The following ODAD2 variants were observed in gnomAD, a reference collection of about 807,000 sequenced individuals.
ODAD2 encodes the protein outer dynein arm docking complex subunit 2, also known as outer dynein arm-docking complex subunit 2.
Under a neutral mutation model 106.8 loss-of-function variants are expected in ODAD2, and 89 were observed. The observed-to-expected ratio is 0.83, with a 90% CI of 0.70 to 0.99. The LOEUF (loss-of-function observed/expected upper bound fraction) is 0.99. Ranked by LOEUF, ODAD2 falls within the 50% of genes least tolerant of loss-of-function variation. The pLI is 0.00. For synonymous variants in ODAD2, 404 were observed against 436.2 expected (o/e 0.93, Z 0.92); for missense variants, 1,168 against 1,238.5 (o/e 0.94, Z 0.85).
At chr10:27,924,031 A>AAAGG (rs1590035980) in intron 16 of ODAD2, among the ~76,000 whole-genome samples, 5 of 120,888 alleles carry the variant, frequency 4.1e-5, no homozygotes, top group East Asian at 2.8e-4. Context: ...AGAAGGAAAG[A>AAAGG]GAAAGAAAGA....
chr10:27,822,667 C>T (rs529438975), intron 19 of ODAD2, among the ~76,000 whole-genome samples: 19 of 152,282 alleles, frequency 1.2e-4, no homozygotes, highest in Admixed American at 9.8e-4. Context: ...TGACAGCTCA[C>T]CAAAGCCGGG....
At chr10:27,881,474 A>G (rs1039436838) in intron 17 of ODAD2, among the ~76,000 whole-genome samples, 1 of 152,006 alleles carries the variant, frequency 6.6e-6, no homozygotes, top group Non-Finnish European at 1.5e-5. Context: ...CTACAAAAAA[A>G]AAAAAATTAA....
intron 17 of ODAD2, among the ~76,000 whole-genome samples, chr10:27,901,004 C>T (rs554120800): frequency 6.6e-6 from 1 of 152,120 alleles, no homozygotes; most frequent in Non-Finnish European, 1.5e-5. Flanking sequence ...CCCCAAGACA[C>T]ATAATCATCA....
intron 13 of ODAD2, among the ~76,000 whole-genome samples, chr10:27,940,295 T>A (rs1811182387): frequency 6.6e-6 from 1 of 151,900 alleles, no homozygotes; most frequent in Non-Finnish European, 1.5e-5. Flanking sequence ...TATATATGTG[T>A]GATATATATA....
intron 8 of ODAD2, 64 bp from the exon 9 acceptor site, chr10:27,969,082 A>T: frequency 1.7e-6 from 1 of 592,142 alleles, no homozygotes; most frequent in South Asian, 2.0e-5. Flanking sequence ...AAAATAAAAG[A>T]TGGCAATGTA....
intron 6 of ODAD2, among the ~76,000 whole-genome samples, 153 bp downstream of exon 6, chr10:27,983,690 G>T (rs1387655782): frequency 6.6e-6 from 1 of 152,044 alleles, no homozygotes; most frequent in East Asian, 1.9e-4. Flanking sequence ...AAGCTATTTT[G>T]GATTTGCCCA....
intron 16 of ODAD2, among the ~76,000 whole-genome samples, chr10:27,914,789 T>C (rs79521058): frequency 0.021 from 3,194 of 152,064 alleles, 86 homozygotes; most frequent in African/African-American, 0.064. Flanking sequence ...GTATTAGAAA[T>C]GAAGAATTCA....
At chr10:27,949,219 T>C (rs1847157648) in intron 10 of ODAD2, among the ~76,000 whole-genome samples, 1 of 152,176 alleles carries the variant, frequency 6.6e-6, no homozygotes, top group South Asian at 2.1e-4. Context: ...CCATGCTGGA[T>C]GGTTAGCATT....
intron 17 of ODAD2, among the ~76,000 whole-genome samples, chr10:27,881,227 T>C (rs1456471720): frequency 6.6e-6 from 1 of 152,350 alleles, no homozygotes; most frequent in South Asian, 2.1e-4. Flanking sequence ...ATAACTAAAA[T>C]AATCAATCTA....
intron 19 of ODAD2, among the ~76,000 whole-genome samples, chr10:27,819,491 T>G (rs1299468116): frequency 6.9e-6 from 1 of 145,836 alleles, no homozygotes; most frequent in Non-Finnish European, 1.5e-5. Context: ...GTAATCCCAG[T>G]GCATTGGGAG....
At chr10:27,957,076 T>G (rs7907415) in intron 10 of ODAD2, 81,299 of 151,882 alleles carry the variant, frequency 0.54, 21,925 homozygotes, top group Middle Eastern at 0.65. Context: ...TCCTTTAATC[T>G]CTGGAAGTGA....
chr10:27,815,827 T>C lies in ODAD2; in HGVS notation c.3022-3202A>G, dbSNP rs538330145. On this transcript the variant is annotated intron_variant, in intron 19 of 19. Coordinates refer to ENST00000305242, the MANE Select transcript of ODAD2 (RefSeq NM_018076.5). ...TATGGAACCATCTTCTAAATTTCTA[T>C]CTCCACCCCAGAAACCTCTTTGGAA... Among the ~76,000 whole-genome samples the C allele has an allele frequency of 1.9e-4, 29 of 152,262 alleles. No individual in the cohort carries two copies. The South Asian group carries it at 3.9e-3, about 21-fold the overall frequency.
At chr10:27,916,956 C>T (rs1468660685) in intron 16 of ODAD2, among the ~76,000 whole-genome samples, 1 of 151,958 alleles carries the variant, frequency 6.6e-6, no homozygotes, top group East Asian at 1.9e-4. Flanking sequence ...AATTTTCACA[C>T]CCCTTTCTCA....
intron 17 of ODAD2, among the ~76,000 whole-genome samples, chr10:27,898,738 G>A (rs1014127850): frequency 3.3e-5 from 5 of 151,958 alleles, no homozygotes; most frequent in Non-Finnish European, 1.5e-5. Context: ...ACATATTTGT[G>A]ATATGTATTG....
chr10:27,826,203 TC>T (rs1837028268), intron 19 of ODAD2, among the ~76,000 whole-genome samples: 1 of 152,136 alleles, frequency 6.6e-6, no homozygotes, highest in Admixed American at 6.6e-5. Flanking sequence ...CCTGCTCTGG[TC>T]CACCATGACA....
At chr10:27,926,959 T>G (rs1490955829) in intron 16 of ODAD2, among the ~76,000 whole-genome samples, 1 of 152,170 alleles carries the variant, frequency 6.6e-6, no homozygotes, top group African/African-American at 2.4e-5. Context: ...TCAGCACACG[T>G]AAATCTACTG....
chr10:27,899,003 T>C (rs999538002), intron 17 of ODAD2, among the ~76,000 whole-genome samples: 3 of 152,082 alleles, frequency 2.0e-5, no homozygotes, highest in Admixed American at 6.6e-5. Flanking sequence ...ATAAAAATAT[T>C]CAACAAGACC....
intron 17 of ODAD2, among the ~76,000 whole-genome samples, chr10:27,886,670 GAC>G (rs1320365674): frequency 6.6e-6 from 1 of 151,920 alleles, no homozygotes; most frequent in African/African-American, 2.4e-5. Context: ...GGATTTAAAA[GAC>G]AAATGCATAA....
At chr10:27,989,546 C>T (rs144604589) in intron 2 of ODAD2, among the ~76,000 whole-genome samples, 1,573 of 152,274 alleles carry the variant, frequency 0.01, 38 homozygotes, top group East Asian at 0.059. Flanking sequence ...GACTAAGTAA[C>T]AGGCTGACCA....
Sources: allele counts gnomAD v4.1 joint callset (sites outside exome capture counted in the v4.1 genomes callset), GRCh38; gene constraint gnomAD v4.1.1; transcripts MANE v1.5; gene names NCBI Gene and HGNC (gene_info 2026-07-23, HGNC 2026-07-21).